The following BLVRA variants were observed in gnomAD, a reference collection of about 807,000 sequenced individuals.
The protein encoded by BLVRA is BVR A.
Under a neutral mutation model 32.8 loss-of-function variants are expected in BLVRA, and 22 were observed. The ratio of observed to expected loss-of-function variants is 0.67; its 90% CI spans 0.48 to 0.96. The LOEUF (loss-of-function observed/expected upper bound fraction) is 0.96, where lower values mean the gene tolerates loss of function less well. Ranked by LOEUF, BLVRA falls within the 40% of genes least tolerant of loss-of-function variation. The probability of loss-of-function intolerance (pLI) is 0.00; values close to 1 mark genes in which losing one functional copy is unlikely to be tolerated. For missense variants in BLVRA, 323 were observed against 358.1 expected, an observed-to-expected ratio of 0.90 and a Z score of 0.79; for synonymous variants, 119 against 141.3, an observed-to-expected ratio of 0.84 and a Z score of 1.12.
chr7:43,777,623 G>A (rs565763760), intron 2 of BLVRA, among the ~76,000 whole-genome samples: 9 of 152,238 alleles, frequency 5.9e-5, no homozygotes, highest in Non-Finnish European at 1.3e-4. Context: ...TATATGTCTT[G>A]GAGTTGCTTT....
At chr7:43,777,078 G>T (rs1227734918) in intron 2 of BLVRA, among the ~76,000 whole-genome samples, 12 of 150,234 alleles carry the variant, frequency 8.0e-5, no homozygotes, top group African/African-American at 2.9e-4. Flanking sequence ...CACACTGATG[G>T]GTCTTGACTC....
intron 2 of BLVRA, among the ~76,000 whole-genome samples, chr7:43,774,620 G>A (rs974944479): frequency 7.9e-5 from 12 of 152,116 alleles, no homozygotes; most frequent in East Asian, 5.8e-4. Context: ...TTGGCAATGC[G>A]GGCTCTTTTT....
At chr7:43,795,273 T>A (rs1206839222) in intron 5 of BLVRA, among the ~76,000 whole-genome samples, 1 of 152,052 alleles carries the variant, frequency 6.6e-6, no homozygotes, top group Non-Finnish European at 1.5e-5. Context: ...CCCAGCACTT[T>A]GGGAGGCTGA....
intron 7 of BLVRA, among the ~76,000 whole-genome samples, chr7:43,805,245 G>C (rs1368502274): frequency 3.3e-5 from 5 of 151,446 alleles, no homozygotes; most frequent in African/African-American, 1.2e-4. Context: ...CAATGAGGAA[G>C]CAAGATGTTG....
At chr7:43,765,028 T>G (rs2132544042) in intron 1 of BLVRA, among the ~76,000 whole-genome samples, 1 of 152,288 alleles carries the variant, frequency 6.6e-6, no homozygotes, top group South Asian at 2.1e-4. Context: ...GAGCCCGTTG[T>G]GTTTCGGAGT....
At chr7:43,782,485 T>C (rs933757583) in intron 2 of BLVRA, among the ~76,000 whole-genome samples, 1 of 152,080 alleles carries the variant, frequency 6.6e-6, no homozygotes, top group African/African-American at 2.4e-5. Flanking sequence ...GGGTGGATAA[T>C]TGGAGTTTAG....
chr7:43,766,622 CAG>C (rs2095748210), intron 1 of BLVRA, among the ~76,000 whole-genome samples: 1 of 152,236 alleles, frequency 6.6e-6, no homozygotes, highest in Middle Eastern at 3.4e-3. Flanking sequence ...GATGGGCAGG[CAG>C]AGAGTTGGAA....
chr7:43,788,571 G>A (rs982149234), intron 3 of BLVRA, among the ~76,000 whole-genome samples: 1 of 152,092 alleles, frequency 6.6e-6, no homozygotes, highest in Non-Finnish European at 1.5e-5. Flanking sequence ...AACACCATGT[G>A]TTCTTTTGCC....
intron 2 of BLVRA, among the ~76,000 whole-genome samples, chr7:43,784,025 G>A (rs907702687): frequency 2.0e-4 from 30 of 152,144 alleles, no homozygotes; most frequent in African/African-American, 7.0e-4. Flanking sequence ...TGCATCTGGA[G>A]TGCCAAACAC....
At chr7:43,803,261 C>T (rs963842436) in intron 6 of BLVRA, among the ~76,000 whole-genome samples, 1 of 151,896 alleles carries the variant, frequency 6.6e-6, no homozygotes, top group African/African-American at 2.4e-5. Context: ...TACCAGACTA[C>T]TTTAAATCAC....
intron 2 of BLVRA, among the ~76,000 whole-genome samples, chr7:43,780,817 T>C (rs1337255264): frequency 6.6e-6 from 1 of 152,272 alleles, no homozygotes; most frequent in Non-Finnish European, 1.5e-5. Flanking sequence ...TGTATGTTCA[T>C]GAAACATTTT....
At chr7:43,760,070 AACTTCCACCTG>A (rs1325339773) in intron 1 of BLVRA, 1 of 143,210 alleles carries the variant, frequency 7.0e-6, no homozygotes, top group Non-Finnish European at 1.5e-5. Flanking sequence ...GGCTCACTGC[AACTTCCACCTG>A]CTGGGTTCAA....
intron 7 of BLVRA, among the ~76,000 whole-genome samples, chr7:43,804,859 A>T (rs1325598923): frequency 6.6e-6 from 1 of 152,214 alleles, no homozygotes; most frequent in Non-Finnish European, 1.5e-5. Flanking sequence ...GTAGTAAAAG[A>T]AGCAGACACT....
Position 43,787,779 on chromosome 7 carries a change from C to T in BLVRA, c.13-125C>T. The stretch of plus-strand genomic sequence containing the variant: ...GTCTCATCCCATCCTGATGCTGTGG[C>T]TTCCTGTGTGTTTTGGGCTGGCTTC... On this transcript the variant is annotated intron_variant, in intron 2 of 7. Coordinates refer to ENST00000265523, the MANE Select transcript of BLVRA (RefSeq NM_000712.4). This position sits in a 1 kb window ranked among gnomAD's most constrained non-coding sequence, Gnocchi z 4.5. The T allele has an allele frequency of 6.9e-7, 1 of 1,453,384 alleles. No homozygotes were observed. The highest frequency in any genetic ancestry group is 9.6e-7 in the Non-Finnish European group (1 of 1,037,010). 90.0% of individuals were successfully genotyped at this position (1,453,384 alleles called of 1,614,324 possible).
chr7:43,804,498 T>G (rs1033577335), intron 7 of BLVRA, among the ~76,000 whole-genome samples: 1 of 152,174 alleles, frequency 6.6e-6, no homozygotes, highest in South Asian at 2.1e-4. Flanking sequence ...TTTTTTCCTG[T>G]GTTTTCTTAT....
In BLVRA at chr7:43,791,259, G is replaced by C; in HGVS notation, c.145G>C (p.Gly49Arg). Residue 49 changes from glycine to arginine, a missense_variant, in exon 4 of 8, where the codon GGG (glycine) becomes CGG (arginine). Gly to Arg is a moderately radical substitution (Grantham distance 125). Transcript: ENST00000265523. ...GTTACTCTGAAATAGAAGGGAGCTC[G>C]GGAGCATTGATGGAGTCCAGCAGAT... ...LIGFVSRREL[G>R]SIDGVQQISL... The C allele has an allele frequency of 6.2e-7, 1 of 1,614,124 alleles. No homozygotes were observed. Among genetic ancestry groups the C allele is most frequent in the Non-Finnish European group, 8.5e-7 (1 of 1,180,026 alleles).
At chr7:43,782,761 G>A (rs1055393884) in intron 2 of BLVRA, among the ~76,000 whole-genome samples, 6 of 152,196 alleles carry the variant, frequency 3.9e-5, no homozygotes, top group African/African-American at 1.4e-4. Context: ...GAAAACCTCG[G>A]TAGCATGAGG....
intron 2 of BLVRA, among the ~76,000 whole-genome samples, chr7:43,778,410 C>T (rs2095764064): frequency 6.6e-6 from 1 of 152,180 alleles, no homozygotes. Flanking sequence ...GAGGTCCACT[C>T]CAGACCGTTT....
intron 5 of BLVRA, among the ~76,000 whole-genome samples, chr7:43,798,226 A>AAAAAAAT (rs1563550433): frequency 2.1e-5 from 3 of 141,602 alleles, no homozygotes; most frequent in Non-Finnish European, 3.1e-5. Flanking sequence ...AAAAAAAAAA[A>AAAAAAAT]GGAAACGATG....
Sources: allele counts gnomAD v4.1 joint callset (sites outside exome capture counted in the v4.1 genomes callset), GRCh38; gene constraint gnomAD v4.1.1; non-coding constraint Gnocchi (gnomAD v3.1); transcripts MANE v1.5; gene names NCBI Gene and HGNC (gene_info 2026-07-23, HGNC 2026-07-21).